Variants in FCER1G observed in about 807,000 individuals in gnomAD.
FCER1G encodes the protein high affinity immunoglobulin epsilon receptor subunit gamma.
A neutral mutation model predicts 17.3 loss-of-function variants in FCER1G; 7 were observed. That is an observed-to-expected ratio of 0.40 (90% CI 0.23 to 0.76). The LOEUF (loss-of-function observed/expected upper bound fraction) is 0.76, where lower values mean the gene tolerates loss of function less well. Ranked by LOEUF, FCER1G falls within the 30% of genes least tolerant of loss-of-function variation. The probability of loss-of-function intolerance (pLI) is 0.35; values close to 1 mark genes in which losing one functional copy is unlikely to be tolerated. For missense variants in FCER1G, 87 were observed against 97.7 expected (o/e 0.89, Z 0.46); for synonymous variants, 35 against 38.7 (o/e 0.90, Z 0.35).
Position 161,219,052 on chromosome 1 carries a change from A to G in FCER1G, c.*109A>G, listed in dbSNP as rs554954538. 7 of 782,160 alleles carry G rather than the reference A, an allele frequency of 8.9e-6. No individual in the cohort carries two copies. Among genetic ancestry groups the G allele is most frequent in the Admixed American group, 4.0e-5 (2 of 49,448 alleles). 48.5% of individuals were successfully genotyped at this position (782,160 alleles called of 1,614,324 possible). ...ATTAACACCAGCTGGCCCTACCCCT[A>G]TAATGATCCTGTGTCCTAAATTAAT... On this transcript the variant is annotated 3_prime_UTR_variant, in exon 5 of 5. Coordinates refer to ENST00000289902, the MANE Select transcript of FCER1G (RefSeq NM_004106.2).
chr1:161,217,952 C>T (rs531968185), intron 1 of FCER1G, 34 bp from the exon 2 acceptor site: 5 of 1,451,250 alleles, frequency 3.4e-6, no homozygotes, highest in South Asian at 1.1e-5. Context: ...CTCCCTGATA[C>T]CCCCGACCCC....
chr1:161,215,496 C>A, intron 1 of FCER1G, 126 bp downstream of exon 1: 1 of 835,708 alleles, frequency 1.2e-6, no homozygotes, highest in Non-Finnish European at 2.1e-6. Context: ...ATAGGGAGAC[C>A]CTGAGGCTAG....
At chr1:161,215,511 C>G in intron 1 of FCER1G, 141 bp downstream of exon 1, 1 of 761,010 alleles carries the variant, frequency 1.3e-6, no homozygotes, top group Non-Finnish European at 2.4e-6. Context: ...GGCTAGTCCT[C>G]TCCAGCCCCG....
At chr1:161,215,964 A>T (rs950097294) in intron 1 of FCER1G, among the ~76,000 whole-genome samples, 1 of 152,020 alleles carries the variant, frequency 6.6e-6, no homozygotes, top group African/African-American at 2.4e-5. Context: ...GCCTCAAGCA[A>T]TTCTCCCACC....
chr1:161,218,611 C>G, intron 3 of FCER1G, 92 bp from the exon 4 acceptor site: 10 of 1,397,526 alleles, frequency 7.2e-6, no homozygotes. Context: ...TGGCTGGCTG[C>G]CCACCCCCCA....
At chr1:161,218,406 C>A in intron 3 of FCER1G, 130 bp downstream of exon 3, 1 of 776,424 alleles carries the variant, frequency 1.3e-6, no homozygotes, top group Non-Finnish European at 2.3e-6. Flanking sequence ...CCTCAGAGGC[C>A]TCCCTCCCAC....
chr1:161,218,099 T>G (rs756932578), intron 2 of FCER1G, 22 bp downstream of exon 2: 1 of 1,592,372 alleles, frequency 6.3e-7, no homozygotes, highest in East Asian at 2.2e-5. Flanking sequence ...CAGGGTGGGG[T>G]AAGGGCTGGA....
chr1:161,219,079 T>G lies in FCER1G; in HGVS notation c.*136T>G, dbSNP rs1666110685. 3 of 667,474 alleles carry G rather than the reference T, an allele frequency of 4.5e-6. No individual in the cohort carries two copies. The highest frequency in any genetic ancestry group is 2.5e-5 in the Admixed American group (1 of 39,356). 41.3% of individuals were successfully genotyped at this position (667,474 alleles called of 1,614,324 possible). On this transcript the variant is annotated 3_prime_UTR_variant, in exon 5 of 5. Coordinates refer to ENST00000289902, the MANE Select transcript of FCER1G (RefSeq NM_004106.2). ...AATGATCCTGTGTCCTAAATTAATA[T>G]ACACCAGTGGTTCCTCCTCCCTGTT...
At chr1:161,215,616 G>A (rs534431005) in intron 1 of FCER1G, among the ~76,000 whole-genome samples, 3 of 152,106 alleles carry the variant, frequency 2.0e-5, no homozygotes, top group Admixed American at 2.0e-4. Flanking sequence ...TTTTGGAGAT[G>A]GAGTCTTGCT....
intron 1 of FCER1G, among the ~76,000 whole-genome samples, chr1:161,216,875 C>T (rs1157204315): frequency 6.6e-6 from 1 of 152,134 alleles, no homozygotes; most frequent in Non-Finnish European, 1.5e-5. Context: ...TTAAGTTAGC[C>T]ACTGGTCTGC....
At chr1:161,218,798 G>C (rs1666103845) in intron 4 of FCER1G, 75 bp downstream of exon 4, 1 of 1,591,832 alleles carries the variant, frequency 6.3e-7, no homozygotes, top group Non-Finnish European at 8.6e-7. Context: ...TGGAAGGCCG[G>C]TGGGGGGAGG....
chr1:161,218,590 C>G (rs911574042), intron 3 of FCER1G, 113 bp from the exon 4 acceptor site: 4 of 1,101,876 alleles, frequency 3.6e-6, no homozygotes, highest in Non-Finnish European at 5.6e-6. Context: ...TGAGTGCCCT[C>G]TAGCCCAAGG....
chr1:161,215,701 T>G (rs921801358), intron 1 of FCER1G, among the ~76,000 whole-genome samples: 1 of 152,046 alleles, frequency 6.6e-6, no homozygotes, highest in African/African-American at 2.4e-5. Flanking sequence ...CAAGCGATTC[T>G]CCTGCCTCAG....
Position 161,218,291 on chromosome 1 carries a change from A to C in FCER1G, c.177+15A>C, listed in dbSNP as rs1489325223. ...CCAGCTATGAGGTATGGACCCTCCT[A>C]CACCTGGTGTGGACAACTTTTCAGA... is the stretch of plus-strand genomic sequence containing the variant. On this transcript the variant is annotated intron_variant, in intron 3 of 4. Transcript: ENST00000289902. 1.2e-6 allele frequency: 2 copies of C among 1,610,938 alleles called. No homozygotes were observed.
Position 161,215,328 on chromosome 1 carries a change from C to A in FCER1G, c.7C>A (p.Pro3Thr). The change falls in exon 1 of 5, where the codon CCA becomes ACA. Residue 3 changes from proline (P) to threonine (T), a missense_variant. Coordinates refer to ENST00000289902, the MANE Select transcript of FCER1G (RefSeq NM_004106.2). MIPAVVLLLLLLV... is the reference protein window; with the variant it reads MITAVVLLLLLLV... ...GGCCGATCTCCAGCCCAAGATGATT[C>A]CAGCAGTGGTCTTGCTCTTACTCCT... The A allele has an allele frequency of 6.2e-7, 1 of 1,613,762 alleles. No individual in the cohort carries two copies. Among genetic ancestry groups the A allele is most frequent in the Non-Finnish European group, 8.5e-7 (1 of 1,179,776 alleles).
intron 1 of FCER1G, among the ~76,000 whole-genome samples, chr1:161,217,150 T>C (rs894191419): frequency 1.3e-5 from 2 of 151,990 alleles, no homozygotes; most frequent in Non-Finnish European, 2.9e-5. Flanking sequence ...ATGTCAGCAA[T>C]TGACTGACGT....
At chr1:161,217,733 G>A (rs1666077749) in intron 1 of FCER1G, among the ~76,000 whole-genome samples, 1 of 152,180 alleles carries the variant, frequency 6.6e-6, no homozygotes, top group Non-Finnish European at 1.5e-5. Flanking sequence ...GGCTGAGGGG[G>A]AAGGCCTCAA....
At chr1:161,217,424 T>TTG (rs1031822911) in intron 1 of FCER1G, among the ~76,000 whole-genome samples, 1 of 150,184 alleles carries the variant, frequency 6.7e-6, no homozygotes, top group African/African-American at 2.5e-5. Context: ...TTTAAGTGTC[T>TTG]TGTGGTGGGA....
At chr1:161,218,198 GC>G in intron 2 of FCER1G, 42 bp from the exon 3 acceptor site, 1 of 1,589,930 alleles carries the variant, frequency 6.3e-7, no homozygotes, top group Non-Finnish European at 8.6e-7. Flanking sequence ...AGGGGGATGG[GC>G]CATTAACTTA....
Sources: allele counts gnomAD v4.1 joint callset (sites outside exome capture counted in the v4.1 genomes callset), GRCh38; gene constraint gnomAD v4.1.1; transcripts MANE v1.5; gene names NCBI Gene and HGNC (gene_info 2026-07-23, HGNC 2026-07-21).